The following C7orf33 variants were observed in gnomAD, a reference collection of about 807,000 sequenced individuals.
C7orf33 encodes uncharacterized protein C7orf33.
In C7orf33, 15 loss-of-function variants were observed where a neutral mutation model predicts 13.4. The observed-to-expected ratio is 1.12, with a 90% CI of 0.75 to 1.72. The LOEUF (loss-of-function observed/expected upper bound fraction) is 1.72. Ranked by LOEUF, C7orf33 falls within the 40% of genes most tolerant of loss-of-function variation. The pLI is 0.00. For synonymous variants in C7orf33, 73 were observed against 83.2 expected (o/e 0.88, Z 0.67); for missense variants, 187 against 220.3 (o/e 0.85, Z 0.96).
At chr7:148,599,205 T>C (rs1409752884) in intron 1 of C7orf33, among the ~76,000 whole-genome samples, 1 of 152,098 alleles carries the variant, frequency 6.6e-6, no homozygotes, top group African/African-American at 2.4e-5. Flanking sequence ...GTCTACTTTC[T>C]AAATTACGGC....
chr7:148,613,766 T>G (rs1796572554), intron 1 of C7orf33, among the ~76,000 whole-genome samples: 2 of 152,224 alleles, frequency 1.3e-5, no homozygotes, highest in African/African-American at 4.8e-5. Flanking sequence ...TTGAATATAC[T>G]GATAACCACT....
At chr7:148,610,896 C>T (rs898880693) in intron 1 of C7orf33, among the ~76,000 whole-genome samples, 9 of 152,236 alleles carry the variant, frequency 5.9e-5, no homozygotes, top group African/African-American at 2.2e-4. Flanking sequence ...TTCTGCTCCA[C>T]AATCCACCCC....
chr7:148,602,197 C>T (rs1796424003), intron 1 of C7orf33, among the ~76,000 whole-genome samples: 2 of 152,184 alleles, frequency 1.3e-5, no homozygotes, highest in African/African-American at 4.8e-5. Flanking sequence ...AGTATTAATT[C>T]ACCATTAAAT....
chr7:148,610,234 C>A (rs1449640359), intron 1 of C7orf33, among the ~76,000 whole-genome samples: 2 of 152,094 alleles, frequency 1.3e-5, no homozygotes, highest in Admixed American at 1.3e-4. Context: ...AGTATTGATC[C>A]TGGGTGTGTC....
chr7:148,603,993 C>T (rs1221099650), intron 1 of C7orf33, among the ~76,000 whole-genome samples: 1 of 152,118 alleles, frequency 6.6e-6, no homozygotes, highest in Non-Finnish European at 1.5e-5. Context: ...CAGAACCAAA[C>T]CAAAAGCCCA....
intron 1 of C7orf33, among the ~76,000 whole-genome samples, chr7:148,596,765 T>G (rs1563120701): frequency 6.6e-6 from 1 of 152,118 alleles, no homozygotes; most frequent in Non-Finnish European, 1.5e-5. Flanking sequence ...TCAACTGCCC[T>G]AAAAATCCTC....
intron 1 of C7orf33, among the ~76,000 whole-genome samples, chr7:148,608,430 G>A (rs1242453992): frequency 4.7e-5 from 7 of 150,016 alleles, no homozygotes; most frequent in African/African-American, 1.7e-4. Flanking sequence ...ACTGCATCTC[G>A]AAATAATAAT....
chr7:148,615,395 C>G lies in C7orf33; in HGVS notation c.528C>G (p.Ser176Arg). The change falls in exon 3 of 3, where the codon AGC becomes AGG. Residue 176 changes from serine to arginine, a missense_variant. Ser to Arg is a moderately radical substitution (Grantham distance 110, BLOSUM62 -1). Transcript: ENST00000307003. ...CCACAAGGATTTCCAGAACTGACAG[C>G]AGTTAAGAATTTTGCAGAATCTAAG... ...VEATRISRTDSS is the reference protein window; with the variant it reads ...VEATRISRTDRS 1 of 1,609,378 alleles carries G rather than the reference C, an allele frequency of 6.2e-7. No individual in the cohort carries two copies. The highest frequency in any genetic ancestry group is 2.2e-5 in the East Asian group (1 of 44,852).
intron 1 of C7orf33, 40 bp downstream of exon 1, chr7:148,591,169 G>A: frequency 6.7e-7 from 1 of 1,486,756 alleles, no homozygotes; most frequent in Non-Finnish European, 9.4e-7. Flanking sequence ...TGCTCTTTGA[G>A]TCAGTCAGTA....
At chr7:148,609,838 A>G (rs1796515042) in intron 1 of C7orf33, among the ~76,000 whole-genome samples, 1 of 152,194 alleles carries the variant, frequency 6.6e-6, no homozygotes, top group Non-Finnish European at 1.5e-5. Flanking sequence ...TACAGGAAGA[A>G]GGAGAAATGC....
chr7:148,595,607 TTA>T (rs567692362), intron 1 of C7orf33, among the ~76,000 whole-genome samples: 2,969 of 122,874 alleles, frequency 0.024, 248 homozygotes, highest in African/African-American at 0.1. Flanking sequence ...GATATACATA[TTA>T]TATATATTAT....
At chr7:148,598,656 C>A (rs142944002) in intron 1 of C7orf33, among the ~76,000 whole-genome samples, 1,617 of 138,462 alleles carry the variant, frequency 0.012, 22 homozygotes, top group African/African-American at 0.032. Flanking sequence ...CTCTCTCTCT[C>A]TATATATATA....
intron 1 of C7orf33, among the ~76,000 whole-genome samples, chr7:148,603,989 C>G (rs770890521): frequency 6.6e-6 from 1 of 152,102 alleles, no homozygotes; most frequent in East Asian, 1.9e-4. Context: ...AATACAGAAC[C>G]AAACCAAAAG....
At chr7:148,600,590 A>G (rs1796400538) in intron 1 of C7orf33, among the ~76,000 whole-genome samples, 1 of 152,190 alleles carries the variant, frequency 6.6e-6, no homozygotes, top group Admixed American at 6.5e-5. Flanking sequence ...CAAATTTTCA[A>G]TGTTTGTTGT....
intron 1 of C7orf33, among the ~76,000 whole-genome samples, chr7:148,597,004 T>C: frequency 6.6e-6 from 1 of 152,166 alleles, no homozygotes; most frequent in Admixed American, 6.5e-5. Context: ...CATTTCCTTT[T>C]AGTGCTGAGT....
At chr7:148,608,931 T>C (rs1796506847) in intron 1 of C7orf33, among the ~76,000 whole-genome samples, 1 of 152,212 alleles carries the variant, frequency 6.6e-6, no homozygotes, top group Admixed American at 6.5e-5. Context: ...CAGGTCCTGC[T>C]AAGAATGCTG....
rs187195561 is a variant in C7orf33 at position 148,592,792 on chromosome 7, C to T, written c.204+1663C>T. On this transcript the variant is annotated intron_variant, in intron 1 of 2. Coordinates refer to ENST00000307003, the MANE Select transcript of C7orf33 (RefSeq NM_145304.4). ...AACCTCCCAAAGTGCTGGGATTTCACGTGGAAGCCACTGTGCCCCAGCAGG... is the reference window on the plus strand; with the variant it reads ...AACCTCCCAAAGTGCTGGGATTTCATGTGGAAGCCACTGTGCCCCAGCAGG... Among the ~76,000 whole-genome samples the T allele has an allele frequency of 7.9e-5, 12 of 152,038 alleles. No homozygotes were observed. In the East Asian group the frequency reaches 2.3e-3, roughly 29 times the overall value.
At chr7:148,606,933 T>TACACAC (rs112000703) in intron 1 of C7orf33, among the ~76,000 whole-genome samples, 12,846 of 139,230 alleles carry the variant, frequency 0.092, 779 homozygotes, top group South Asian at 0.21. Context: ...AAAAAAAAAA[T>TACACAC]ACACACACAC....
chr7:148,595,446 A>C (rs560963535), intron 1 of C7orf33, among the ~76,000 whole-genome samples: 188 of 129,228 alleles, frequency 1.5e-3, no homozygotes, highest in African/African-American at 4.8e-3. Flanking sequence ...TAATATAGAT[A>C]TATATTATAT....
Sources: allele counts gnomAD v4.1 joint callset (sites outside exome capture counted in the v4.1 genomes callset), GRCh38; gene constraint gnomAD v4.1.1; transcripts MANE v1.5; gene names NCBI Gene and HGNC (gene_info 2026-07-23, HGNC 2026-07-21).